The following GNAI1 variants were observed in gnomAD, a reference collection of about 807,000 sequenced individuals.
GNAI1 encodes G protein subunit alpha i1.
In GNAI1, 11 loss-of-function variants were observed where a neutral mutation model predicts 38.9. The ratio of observed to expected loss-of-function variants is 0.28; its 90% confidence interval spans 0.18 to 0.47. The LOEUF is 0.47. GNAI1 is among the 20% of genes least tolerant of loss of function. The pLI is 0.99. For synonymous variants in GNAI1, 166 were observed against 145.1 expected, an observed-to-expected ratio of 1.14 and a Z score of -1.04; for missense variants, 317 against 436.9, an observed-to-expected ratio of 0.73 and a Z score of 2.45.
rs146536463 is a variant in GNAI1 at position 80,168,414 on chromosome 7, G to A, written c.119-20537G>A. 3.3e-3 allele frequency among the ~76,000 whole-genome samples: 505 copies of A among 152,140 alleles called. 2 individuals are homozygous for A. The highest frequency in any genetic ancestry group is 0.012 in the African/African-American group (481 of 41,502). Reference sequence around the variant, plus strand: ...TTTATTTATTTATTTTTGAGACAGAGTCTCACTTTGTCACCTAGGCTGGAG... The same window carrying A: ...TTTATTTATTTATTTTTGAGACAGAATCTCACTTTGTCACCTAGGCTGGAG... On this transcript the variant is annotated intron_variant, in intron 1 of 7. Transcript: ENST00000649796.
chr7:80,203,497 T>A (rs1788724220), intron 4 of GNAI1, among the ~76,000 whole-genome samples: 1 of 152,148 alleles, frequency 6.6e-6, no homozygotes, highest in Non-Finnish European at 1.5e-5. Flanking sequence ...AGCTTTGTGG[T>A]TGCAGAGGTG....
intron 1 of GNAI1, among the ~76,000 whole-genome samples, chr7:80,165,251 TGCTCCCAAAG>T (rs1322938418): frequency 1.3e-5 from 2 of 152,204 alleles, no homozygotes; most frequent in Non-Finnish European, 2.9e-5. Context: ...TGTTGTACAG[TGCTCCCAAAG>T]GCTAAAAGAG....
chr7:80,203,327 G>A (rs1206300281), intron 4 of GNAI1, among the ~76,000 whole-genome samples: 1 of 151,732 alleles, frequency 6.6e-6, no homozygotes, highest in East Asian at 1.9e-4. Context: ...ATGATGTCTG[G>A]ATCATAAACA....
At chr7:80,197,192 T>G (rs1216242777) in intron 3 of GNAI1, among the ~76,000 whole-genome samples, 1 of 151,504 alleles carries the variant, frequency 6.6e-6, no homozygotes, top group East Asian at 1.9e-4. Flanking sequence ...TTTTTTTTTT[T>G]TTTTGGAGAC....
At chr7:80,150,212 A>G (rs1193461274) in intron 1 of GNAI1, among the ~76,000 whole-genome samples, 1 of 152,188 alleles carries the variant, frequency 6.6e-6, no homozygotes, top group Non-Finnish European at 1.5e-5. Context: ...GTGTACATGT[A>G]CCAGGAAAAA....
chr7:80,209,973 A>G (rs948526213), intron 5 of GNAI1, among the ~76,000 whole-genome samples: 1 of 152,174 alleles, frequency 6.6e-6, no homozygotes, highest in Non-Finnish European at 1.5e-5. Context: ...AAAAGTAACA[A>G]TACTAGTTGA....
rs73378682 is a variant in GNAI1 at position 80,184,426 on chromosome 7, G to A, written c.119-4525G>A. On this transcript the variant is annotated intron_variant, in intron 1 of 7. Transcript: ENST00000649796. The stretch of plus-strand genomic sequence containing the variant: ...TTCACATGCGCAGTGGCCTGCTAGC[G>A]CTTGGGAGAGGAGCCTGTGCAGTGT... Among the ~76,000 whole-genome samples, 597 of 152,234 alleles carry A rather than the reference G, an allele frequency of 3.9e-3. 3 individuals are homozygous for A. Among genetic ancestry groups the A allele is most frequent in the African/African-American group, 0.013 (554 of 41,540 alleles).
At chr7:80,146,367 C>A (rs1787623121) in intron 1 of GNAI1, among the ~76,000 whole-genome samples, 1 of 152,080 alleles carries the variant, frequency 6.6e-6, no homozygotes, top group Non-Finnish European at 1.5e-5. Context: ...CCTCTTCTCC[C>A]ATTATTCATG....
At chr7:80,167,003 A>G (rs572005747) in intron 1 of GNAI1, among the ~76,000 whole-genome samples, 1 of 152,316 alleles carries the variant, frequency 6.6e-6, no homozygotes, top group South Asian at 2.1e-4. Context: ...GGTGACTGTC[A>G]TCATTATAAA....
chr7:80,152,605 C>T (rs113922850), intron 1 of GNAI1, among the ~76,000 whole-genome samples: 259 of 143,856 alleles, frequency 1.8e-3, no homozygotes, highest in African/African-American at 6.3e-3. Context: ...CTCTTGCCCA[C>T]GCTGGAGTGC....
chr7:80,180,943 G>A (rs1313995486), intron 1 of GNAI1, among the ~76,000 whole-genome samples: 1 of 151,938 alleles, frequency 6.6e-6, no homozygotes, highest in Non-Finnish European at 1.5e-5. Context: ...CCTCCATTAT[G>A]TGATCATTGA....
At chr7:80,173,257 A>G (rs191492818) in intron 1 of GNAI1, among the ~76,000 whole-genome samples, 1 of 152,340 alleles carries the variant, frequency 6.6e-6, no homozygotes, top group East Asian at 1.9e-4. Context: ...CAGCACAAAA[A>G]TATATGTCTT....
chr7:80,224,981 T>A lies in GNAI1; in HGVS notation c.*7488T>A, dbSNP rs995687760. Among the ~76,000 whole-genome samples the A allele has an allele frequency of 6.6e-6, 1 of 152,230 alleles. No homozygotes were observed. Among genetic ancestry groups the A allele is most frequent in the South Asian group, 2.1e-4 (1 of 4,838 alleles). On this transcript the variant is annotated 3_prime_UTR_variant, in exon 8 of 8. Transcript: ENST00000649796. ...TGCTTTATTTTTCTTCCACAACAAC[T>A]CTATTTGCATTGCATGGAAATGTTC...
intron 1 of GNAI1, among the ~76,000 whole-genome samples, chr7:80,164,919 T>C (rs1249712808): frequency 6.7e-6 from 1 of 149,784 alleles, no homozygotes; most frequent in Non-Finnish European, 1.5e-5. Context: ...TGGAGAGGCA[T>C]TGGAAAAAAG....
chr7:80,138,821 T>C (rs926320565), intron 1 of GNAI1, among the ~76,000 whole-genome samples: 5 of 152,236 alleles, frequency 3.3e-5, no homozygotes, highest in African/African-American at 9.6e-5. Context: ...CCTTGTCTCC[T>C]TCTTCAGCTT....
intron 1 of GNAI1, among the ~76,000 whole-genome samples, chr7:80,138,203 AT>A (rs1036009372): frequency 1.3e-5 from 2 of 152,108 alleles, no homozygotes; most frequent in Admixed American, 6.5e-5. Context: ...AATATATTGC[AT>A]TTTTTTCTTA....
intron 1 of GNAI1, among the ~76,000 whole-genome samples, chr7:80,163,525 AAC>A (rs1329353855): frequency 6.6e-6 from 1 of 152,210 alleles, no homozygotes; most frequent in Non-Finnish European, 1.5e-5. Flanking sequence ...TCAAACCAGT[AAC>A]ACATATTTGA....
At chr7:80,137,903 G>A (rs1173989651) in intron 1 of GNAI1, among the ~76,000 whole-genome samples, 1 of 152,188 alleles carries the variant, frequency 6.6e-6, no homozygotes, top group East Asian at 1.9e-4. Flanking sequence ...TTCTTGGAAT[G>A]TTCGAAAACA....
In GNAI1 at chr7:80,166,786, ATCT is replaced by A. The variant is rs1300864563; in HGVS notation, c.119-22161_119-22159del. Among the ~76,000 whole-genome samples, 4 of 152,334 alleles carry A rather than the reference ATCT, an allele frequency of 2.6e-5. No homozygotes were observed. In the East Asian group the frequency reaches 7.7e-4, roughly 29 times the overall value. On this transcript the variant is annotated intron_variant, in intron 1 of 7. Transcript: ENST00000649796. ...ATTGGGGATGAAATGTTACAAATGA[ATCT>A]TCTACATGTAATACATGTGTATACC...
Sources: gnomAD v4.1 joint callset for allele counts (sites outside exome capture counted in the v4.1 genomes callset) on GRCh38, gnomAD v4.1.1 for gene constraint, MANE v1.5 for transcripts, NCBI Gene and HGNC (gene_info 2026-07-23, HGNC 2026-07-21) for gene names.